The following RIF1 variants were observed in gnomAD, a reference collection of about 807,000 sequenced individuals.
The protein encoded by RIF1 is replication timing regulatory factor 1.
A neutral mutation model predicts 247.1 loss-of-function variants in RIF1; 45 were observed. The observed-to-expected ratio is 0.18, with a 90% CI of 0.14 to 0.23. The LOEUF (loss-of-function observed/expected upper bound fraction) is 0.23. Ranked by LOEUF, RIF1 falls within the 10% of genes least tolerant of loss-of-function variation. The pLI is 1.00. For missense variants in RIF1, 2,967 were observed against 2,862.5 expected, an observed-to-expected ratio of 1.04 and a Z score of -0.83; for synonymous variants, 1,087 against 978.8, an observed-to-expected ratio of 1.11 and a Z score of -2.06.
chr2:151,512,767 A>G (rs202042541), downstream of RIF1: 1 of 1,613,916 alleles, frequency 6.2e-7, no homozygotes, highest in Admixed American at 1.7e-5. Flanking sequence ...TTGGGCATGA[A>G]TGATCTCTGG....
chr2:151,495,046 C>G (rs569300032), intron 9 of RIF1: 14 of 152,346 alleles, frequency 9.2e-5, no homozygotes, highest in Admixed American at 3.3e-4. Flanking sequence ...AAGGGTTTCC[C>G]CTACCCTCTT....
In RIF1 at chr2:151,440,147, G is replaced by T; in HGVS notation, c.1647+20G>T. ...ACGCTGGTAAGTATAATACCCGTAT[G>T]TTGGACTTTAAAAACCATTTTCTGA... On this transcript the variant is annotated intron_variant, in intron 15 of 35. Transcript: ENST00000444746. 7.8e-7 allele frequency: 1 copy of T among 1,284,790 alleles called. No homozygotes were observed. Among genetic ancestry groups the T allele is most frequent in the Non-Finnish European group, 1.1e-6 (1 of 900,942 alleles). 79.6% of individuals were successfully genotyped at this position (1,284,790 alleles called of 1,614,324 possible).
At chr2:151,410,116 C>T (rs1685882864) in intron 1 of RIF1, 83 bp downstream of exon 1, 1 of 689,502 alleles carries the variant, frequency 1.5e-6, no homozygotes, top group Non-Finnish European at 2.7e-6. Context: ...GGCGAGATGC[C>T]TCGTTCCCCG....
the RIF1 span, chr2:151,533,471 C>T: frequency 6.4e-7 from 1 of 1,551,358 alleles, no homozygotes; most frequent in Non-Finnish European, 8.7e-7. Flanking sequence ...TTGTAGAGAG[C>T]AGTCAACATA....
intron 9 of RIF1, chr2:151,490,664 CTGATGTAGGT>C: frequency 1.0e-6 from 1 of 994,150 alleles, no homozygotes; most frequent in Non-Finnish European, 1.5e-6. Context: ...CACAGTTATT[CTGATGTAGGT>C]TTGTCTTTCT....
In RIF1 at chr2:151,463,686, C is replaced by T; in HGVS notation, c.4166C>T (p.Pro1389Leu). The change falls in exon 30 of 36, where the codon CCC becomes CTC. Residue 1389 changes from proline (P) to leucine (L), a missense_variant. Pro to Leu is a moderately conservative substitution (Grantham distance 98). Coordinates refer to ENST00000444746, the MANE Select transcript of RIF1 (RefSeq NM_018151.5). ...EINLESKENT[P>L]PVVISADQMV... ...AATTTGGAATCCAAAGAGAATACACCCCCAGTAGTAATATCAGCAGATCAA... is the reference window on the plus strand; with the variant it reads ...AATTTGGAATCCAAAGAGAATACACTCCCAGTAGTAATATCAGCAGATCAA... 1 of 1,613,648 alleles carries T rather than the reference C, an allele frequency of 6.2e-7. No homozygotes were observed. The highest frequency in any genetic ancestry group is 1.7e-5 in the Admixed American group (1 of 60,006).
At position 151,463,775 on chromosome 2, in the gene RIF1, A is replaced by C; in HGVS notation, c.4255A>C (p.Arg1419=). The C allele has an allele frequency of 1.9e-6, 3 of 1,613,942 alleles. No homozygotes were observed. The highest frequency in any genetic ancestry group is 2.5e-6 in the Non-Finnish European group (3 of 1,179,966). ...PNQKTLRRSS[R]RRSEVVESTT... ...TCAGAAAACCCTTAGACGGTCTTCA[A>C]GGCGACGTTCAGAAGTAGTAGAGTC... is the stretch of plus-strand genomic sequence containing the variant. Residue 1419 remains arginine, a synonymous_variant, in exon 30 of 36, where the codon AGG becomes CGG. Coordinates refer to ENST00000444746, the MANE Select transcript of RIF1 (RefSeq NM_018151.5).
chr2:151,459,734 A>G (rs768507319), intron 25 of RIF1, among the ~76,000 whole-genome samples: 19 of 152,220 alleles, frequency 1.2e-4, no homozygotes, highest in Non-Finnish European at 2.6e-4. Flanking sequence ...AATTTAATTC[A>G]CTTTATGTGT....
chr2:151,496,824 T>TAAAG lies in RIF1; in HGVS notation c.*513+1505_*513+1508dup, dbSNP rs1012509956. 1.8e-5 allele frequency: 22 copies of TAAAG among 1,238,894 alleles called. No homozygotes were observed. The East Asian group carries it at 3.1e-4, about 17-fold the overall frequency. The allele number at this position is 1,238,894 out of a possible 1,614,324, so 76.7% of individuals were successfully genotyped here. ...CCAAAGGAAAAAAGGATAAATTTGC[T>TAAAG]AAAGAAAGAAGTTCACAAAATTTGT... On this transcript the variant is annotated intron_variant and NMD_transcript_variant, in intron 10 of 13. Coordinates refer to the RIF1 transcript ENST00000454583.
In RIF1 at chr2:151,445,443, G is replaced by T. The variant is rs1186332297; in HGVS notation, c.2092G>T (p.Val698Leu). ...NHIFSEQRFPVATMKTLLRTW... is the reference protein window; with the variant it reads ...NHIFSEQRFPLATMKTLLRTW... The stretch of plus-strand genomic sequence containing the variant: ...CATTTTTTCAGAACAGAGATTTCCA[G>T]TGGTAAGGCATTGTCAAGTATTGAT... The change falls in exon 19 of 36, where the codon GTG becomes TTG. Residue 698 changes from valine to leucine, a missense_variant and splice_region_variant. Physicochemically the swap from Val to Leu is conservative, Grantham distance 32. Around this residue, in one of 7 missense-constraint regions of RIF1, gnomAD observed 76 missense variants for 113.3 expected, o/e 0.67. Coordinates refer to ENST00000444746, the MANE Select transcript of RIF1 (RefSeq NM_018151.5). The T allele has an allele frequency of 1.4e-6, 2 of 1,456,094 alleles. No homozygotes were observed. Among genetic ancestry groups the T allele is most frequent in the Admixed American group, 1.7e-5 (1 of 59,820 alleles). The allele number at this position is 1,456,094 out of a possible 1,614,324, so 90.2% of individuals were successfully genotyped here. A position where few individuals can be genotyped will look rare whatever the true frequency, so the allele number is the denominator to read the frequency against.
chr2:151,490,155 A>G (rs985741163), intron 9 of RIF1: 159 of 1,254,092 alleles, frequency 1.3e-4, no homozygotes, highest in Middle Eastern at 3.9e-4. Context: ...CAGCTGAGTG[A>G]TGTCTTTTTC....
rs192754055 is a variant in RIF1 at position 151,505,376 on chromosome 2, G to A, written c.*862-834G>A. ...AGGGAGAATTCACAACATCCCCAAG[G>A]CATGGAAGCTCTTGATAGGAAGCAG... On this transcript the variant is annotated intron_variant and NMD_transcript_variant, in intron 12 of 13. Transcript: ENST00000454583. 1.2e-5 allele frequency: 12 copies of A among 1,008,836 alleles called. No individual in the cohort carries two copies. The East Asian group carries it at 2.9e-4, about 24-fold the overall frequency. The allele number at this position is 1,008,836 out of a possible 1,614,324, so 62.5% of individuals were successfully genotyped here.
At chr2:151,443,168 TA>T in intron 16 of RIF1, 90 bp from the exon 17 acceptor site, 1 of 850,442 alleles carries the variant, frequency 1.2e-6, no homozygotes, top group Non-Finnish European at 1.9e-6. Flanking sequence ...TTTGTCATGC[TA>T]AAACAATTTT....
the RIF1 span, among the ~76,000 whole-genome samples, chr2:151,532,856 A>G: frequency 2.6e-5 from 4 of 152,144 alleles, no homozygotes; most frequent in Non-Finnish European, 5.9e-5. Flanking sequence ...CATGTGCTGG[A>G]AAGTGCATGC....
chr2:151,490,948 C>G (rs1336025782), intron 9 of RIF1, among the ~76,000 whole-genome samples: 4 of 152,164 alleles, frequency 2.6e-5, no homozygotes, highest in African/African-American at 7.2e-5. Context: ...TAAAATTGCA[C>G]ATGTCAGAAT....
chr2:151,500,703 A>T (rs1251655563), intron 11 of RIF1, among the ~76,000 whole-genome samples: 13 of 149,386 alleles, frequency 8.7e-5, no homozygotes, highest in Non-Finnish European at 1.5e-4. Flanking sequence ...GTTCAGATGA[A>T]CCTCCCACCT....
chr2:151,417,907 A>G lies in RIF1; in HGVS notation c.503+1006A>G, dbSNP rs186338489. Among the ~76,000 whole-genome samples the G allele has an allele frequency of 2.7e-3, 414 of 152,292 alleles. 1 individual carries two copies. The highest frequency in any genetic ancestry group is 4.5e-3 in the Non-Finnish European group (306 of 68,018). ...CTCCTAGGCTACAGACCTGTACAGTATATTACTGTACTGGATATTGTAGGC... is the reference window on the plus strand; with the variant it reads ...CTCCTAGGCTACAGACCTGTACAGTGTATTACTGTACTGGATATTGTAGGC... On this transcript the variant is annotated intron_variant, in intron 6 of 35. Coordinates refer to ENST00000444746, the MANE Select transcript of RIF1 (RefSeq NM_018151.5).
At position 151,410,490 on chromosome 2, in the gene RIF1, C is replaced by A; in HGVS notation, c.67C>A (p.His23Asn). The stretch of plus-strand genomic sequence containing the variant: ...GACTTTGGAAGACCCTTCTGCCTCC[C>A]ATGGAGGGCAGACTGACGCTTACCT... ...LETLEDPSASHGGQTDAYLTL... is the reference protein window; with the variant it reads ...LETLEDPSASNGGQTDAYLTL... Residue 23 changes from histidine (H) to asparagine (N), a missense_variant, in exon 2 of 36, where the codon CAT becomes AAT. His to Asn is a moderately conservative substitution (Grantham distance 68). This residue lies in a region of RIF1 where 269 missense variants were observed against 288.6 expected (regional missense o/e 0.93). Transcript: ENST00000444746. The A allele has an allele frequency of 6.2e-7, 1 of 1,614,046 alleles. No homozygotes were observed. Among genetic ancestry groups the A allele is most frequent in the African/African-American group, 1.3e-5 (1 of 75,052 alleles).
chr2:151,516,574 A>G, the RIF1 span: 1 of 1,556,844 alleles, frequency 6.4e-7, no homozygotes, highest in Non-Finnish European at 8.8e-7. Context: ...CTGGTGATAG[A>G]AAGCCATGTT....
Sources: gnomAD v4.1 joint callset for allele counts (sites outside exome capture counted in the v4.1 genomes callset) on GRCh38, gnomAD v4.1.1 for gene constraint, gnomAD v4.1.1 regional missense constraint, MANE v1.5 for transcripts, NCBI Gene and HGNC (gene_info 2026-07-23, HGNC 2026-07-21) for gene names.